The following FHIP1A variants were observed in gnomAD, a reference collection of about 807,000 sequenced individuals.
FHIP1A encodes FHF complex subunit HOOK-interacting protein 1A.
Under a neutral mutation model 88.6 loss-of-function variants are expected in FHIP1A, and 61 were observed. The observed-to-expected ratio is 0.69, with a 90% CI of 0.56 to 0.85. The LOEUF (loss-of-function observed/expected upper bound fraction) is 0.85, where lower values mean the gene tolerates loss of function less well. Among genes scored for constraint, FHIP1A ranks in the 40% least tolerant of loss-of-function variants. The pLI is 0.00. For missense variants in FHIP1A, 1,154 were observed against 1,273.5 expected (o/e 0.91, Z 1.43); for synonymous variants, 478 against 496.0 (o/e 0.96, Z 0.48).
chr4:151,435,700 G>A (rs957296366), intron 1 of FHIP1A, among the ~76,000 whole-genome samples: 2 of 151,094 alleles, frequency 1.3e-5, no homozygotes, highest in African/African-American at 4.9e-5. Flanking sequence ...CAGGAGAATC[G>A]CTTGAACCCA....
At chr4:151,580,621 C>T (rs974897702) in intron 5 of FHIP1A, among the ~76,000 whole-genome samples, 2 of 152,162 alleles carry the variant, frequency 1.3e-5, no homozygotes, top group Non-Finnish European at 2.9e-5. Context: ...TTCTAGATAT[C>T]TGGCTTGGAG....
In FHIP1A at chr4:151,665,221, C is replaced by T. The variant is rs1330551222; in HGVS notation, c.*2467C>T. On this transcript the variant is annotated 3_prime_UTR_variant, in exon 14 of 14. Coordinates refer to ENST00000435205, the MANE Select transcript of FHIP1A (RefSeq NM_001109977.3). ...TAAAGTCCTGGGCTCAAGTGATCGT[C>T]CCGCCTTGGCCTCCCGAAGTGCTGG... Among the ~76,000 whole-genome samples, 2 of 152,200 alleles carry T rather than the reference C, an allele frequency of 1.3e-5. No individual in the cohort carries two copies. Among genetic ancestry groups the T allele is most frequent in the Admixed American group, 6.5e-5 (1 of 15,284 alleles).
Position 151,666,758 on chromosome 4 carries a change from G to T in FHIP1A, c.*4004G>T, listed in dbSNP as rs570778771. Among the ~76,000 whole-genome samples the T allele has an allele frequency of 2.6e-5, 4 of 152,192 alleles. No homozygotes were observed. The highest frequency in any genetic ancestry group is 5.9e-5 in the Non-Finnish European group (4 of 68,034). On this transcript the variant is annotated 3_prime_UTR_variant, in exon 14 of 14. Coordinates refer to ENST00000435205, the MANE Select transcript of FHIP1A (RefSeq NM_001109977.3). The stretch of plus-strand genomic sequence containing the variant: ...ATCTGGATCAGTGTGTCTAGGTTGT[G>T]TTCAGGAGGGAAGCACAGCCGCAGC...
chr4:151,499,295 T>C (rs1310805524), intron 3 of FHIP1A, among the ~76,000 whole-genome samples: 3 of 152,190 alleles, frequency 2.0e-5, no homozygotes, highest in Non-Finnish European at 4.4e-5. Context: ...GTCTGTTCTG[T>C]CTATGTGACT....
chr4:151,430,443 A>C (rs1171050949), intron 1 of FHIP1A, among the ~76,000 whole-genome samples: 1 of 152,224 alleles, frequency 6.6e-6, no homozygotes, highest in Non-Finnish European at 1.5e-5. Flanking sequence ...AAGTTCTACT[A>C]TTCAAGATTA....
intron 4 of FHIP1A, 97 bp from the exon 5 acceptor site, chr4:151,577,353 C>T (rs947391243): frequency 5.3e-5 from 64 of 1,207,282 alleles, no homozygotes; most frequent in Non-Finnish European, 7.1e-5. Flanking sequence ...GCAGTGGCTC[C>T]TGCATTTTTG....
At chr4:151,597,929 C>T (rs757700637) in intron 7 of FHIP1A, among the ~76,000 whole-genome samples, 31 of 152,218 alleles carry the variant, frequency 2.0e-4, no homozygotes, top group Non-Finnish European at 3.4e-4. Flanking sequence ...GTGCTGGCTG[C>T]GAGAATTTCA....
intron 3 of FHIP1A, among the ~76,000 whole-genome samples, chr4:151,491,543 C>T (rs1238891547): frequency 6.6e-6 from 1 of 151,120 alleles, no homozygotes; most frequent in African/African-American, 2.4e-5. Flanking sequence ...CTCCTTAAAG[C>T]ATAAATCTCA....
At chr4:151,428,439 T>C (rs2724562) in intron 1 of FHIP1A, among the ~76,000 whole-genome samples, 53,392 of 151,872 alleles carry the variant, frequency 0.35, 9,985 homozygotes, top group Non-Finnish European at 0.43. Context: ...TTCATTTCTC[T>C]CCATCTTTAC....
chr4:151,470,382 G>A lies in FHIP1A; in HGVS notation c.-247-12142G>A, dbSNP rs377257797. ...AGAACATTTTCCAAAAGGAATATTC[G>A]TGCTTAGAAAACTTCTTATAAATAT... On this transcript the variant is annotated intron_variant, in intron 2 of 13. Coordinates refer to ENST00000435205, the MANE Select transcript of FHIP1A (RefSeq NM_001109977.3). 3.0e-4 allele frequency among the ~76,000 whole-genome samples: 46 copies of A among 152,284 alleles called. 1 individual carries two copies. The East Asian group carries it at 6.0e-3, about 20-fold the overall frequency.
intron 3 of FHIP1A, among the ~76,000 whole-genome samples, chr4:151,533,415 AAAACAAAC>A (rs10650173): frequency 3.3e-5 from 5 of 150,754 alleles, no homozygotes; most frequent in African/African-American, 4.9e-5. Context: ...GCCCTGTCTC[AAAACAAAC>A]AAACAAACAA....
Sources: allele counts gnomAD v4.1 joint callset (sites outside exome capture counted in the v4.1 genomes callset), GRCh38; gene constraint gnomAD v4.1.1; transcripts MANE v1.5; gene names NCBI Gene and HGNC (gene_info 2026-07-23, HGNC 2026-07-21).